The following PLA2G4A variants were observed in gnomAD, a reference collection of about 807,000 sequenced individuals.
The protein encoded by PLA2G4A is cytosolic phospholipase A2.
A neutral mutation model predicts 81.9 loss-of-function variants in PLA2G4A; 40 were observed. The ratio of observed to expected loss-of-function variants is 0.49; its 90% CI spans 0.38 to 0.64. The LOEUF (loss-of-function observed/expected upper bound fraction) is 0.64. Ranked by LOEUF, PLA2G4A falls within the 30% of genes least tolerant of loss-of-function variation. The pLI is 0.00. For missense variants in PLA2G4A, 715 were observed against 905.1 expected, an observed-to-expected ratio of 0.79 and a Z score of 2.69; for synonymous variants, 302 against 296.9, an observed-to-expected ratio of 1.02 and a Z score of -0.18.
At chr1:186,909,476 C>A (rs1375697082) in intron 6 of PLA2G4A, among the ~76,000 whole-genome samples, 1 of 150,996 alleles carries the variant, frequency 6.6e-6, no homozygotes, top group Non-Finnish European at 1.5e-5. Context: ...GGTTGACCAA[C>A]ATGGAGAAAC....
intron 15 of PLA2G4A, among the ~76,000 whole-genome samples, chr1:186,968,745 TG>T (rs1340243706): frequency 6.6e-6 from 1 of 151,916 alleles, no homozygotes; most frequent in Non-Finnish European, 1.5e-5. Flanking sequence ...TTATTTAGGT[TG>T]GTTTCTAGAT....
intron 15 of PLA2G4A, among the ~76,000 whole-genome samples, chr1:186,967,237 T>C (rs927561689): frequency 2.6e-5 from 4 of 152,206 alleles, no homozygotes; most frequent in Non-Finnish European, 5.9e-5. Flanking sequence ...AGTGCTTTCA[T>C]ACTTTATCTA....
intron 10 of PLA2G4A, among the ~76,000 whole-genome samples, chr1:186,945,049 A>G (rs563039625): frequency 6.6e-6 from 1 of 152,266 alleles, no homozygotes; most frequent in East Asian, 1.9e-4. Flanking sequence ...GAGAAAAGCT[A>G]GAAAAAAAAA....
At chr1:186,912,790 A>ACATAAG (rs1655006393) in intron 7 of PLA2G4A, among the ~76,000 whole-genome samples, 3 of 141,288 alleles carry the variant, frequency 2.1e-5, no homozygotes, top group African/African-American at 8.3e-5. Context: ...ATACTTATAT[A>ACATAAG]TATATGTATA....
At chr1:186,841,414 TA>T (rs1031220164) in intron 1 of PLA2G4A, among the ~76,000 whole-genome samples, 7 of 152,236 alleles carry the variant, frequency 4.6e-5, no homozygotes, top group Non-Finnish European at 7.3e-5. Flanking sequence ...ATTTCCTTTT[TA>T]GCCCCAGTGC....
chr1:186,899,364 G>C (rs1654457228), intron 5 of PLA2G4A, among the ~76,000 whole-genome samples: 1 of 152,112 alleles, frequency 6.6e-6, no homozygotes, highest in Non-Finnish European at 1.5e-5. Flanking sequence ...AGACAGGGCT[G>C]GGGGAGCAGG....
intron 15 of PLA2G4A, among the ~76,000 whole-genome samples, chr1:186,966,188 A>G (rs1480509889): frequency 1.3e-5 from 2 of 151,670 alleles, no homozygotes; most frequent in Non-Finnish European, 2.9e-5. Context: ...CTGTATCTGT[A>G]AGAGGATGTG....
chr1:186,964,320 G>C (rs1657057587), intron 14 of PLA2G4A, among the ~76,000 whole-genome samples: 1 of 150,788 alleles, frequency 6.6e-6, no homozygotes, highest in African/African-American at 2.5e-5. Context: ...AGTGAATTAG[G>C]AGCACCACAC....
intron 2 of PLA2G4A, among the ~76,000 whole-genome samples, chr1:186,865,350 T>C (rs1652987066): frequency 6.6e-6 from 1 of 152,100 alleles, no homozygotes; most frequent in Admixed American, 6.6e-5. Flanking sequence ...TAAAAATAGA[T>C]AATGCTGATC....
chr1:186,906,694 T>C (rs1654749106), intron 5 of PLA2G4A, among the ~76,000 whole-genome samples: 1 of 152,194 alleles, frequency 6.6e-6, no homozygotes, highest in Non-Finnish European at 1.5e-5. Flanking sequence ...TACTTTATTT[T>C]ACTGAGGGAG....
chr1:186,972,252 A>G (rs1657381222), intron 15 of PLA2G4A, among the ~76,000 whole-genome samples: 1 of 152,110 alleles, frequency 6.6e-6, no homozygotes, highest in South Asian at 2.1e-4. Flanking sequence ...TTATCTAACA[A>G]AAGCAGCTTT....
rs375965452 is a variant in PLA2G4A, at chr1:186,956,364, T to C, written c.1579+20T>C. ...TAGCAGGTAAGTGTACAAATATAAT[T>C]AGTGGGAGCTAATGCAGGAGATCTT... On this transcript the variant is annotated intron_variant, in intron 14 of 17. Coordinates refer to ENST00000367466, the MANE Select transcript of PLA2G4A (RefSeq NM_024420.3). 32 of 1,604,506 alleles carry C rather than the reference T, an allele frequency of 2.0e-5. No individual in the cohort carries two copies. In the African/African-American group the frequency reaches 2.0e-4, roughly 10 times the overall value.
intron 14 of PLA2G4A, among the ~76,000 whole-genome samples, chr1:186,959,460 A>T (rs1656872313): frequency 6.6e-6 from 1 of 152,146 alleles, no homozygotes; most frequent in African/African-American, 2.4e-5. Context: ...TTTACATTTT[A>T]TTTCATTGTG....
chr1:186,875,097 C>T (rs1450064039), intron 3 of PLA2G4A, among the ~76,000 whole-genome samples: 1 of 152,030 alleles, frequency 6.6e-6, no homozygotes, highest in Non-Finnish European at 1.5e-5. Flanking sequence ...TTCTAACATA[C>T]AGCTGATGTA....
chr1:186,962,467 A>G (rs1435024966), intron 14 of PLA2G4A, among the ~76,000 whole-genome samples: 1 of 146,708 alleles, frequency 6.8e-6, no homozygotes, highest in African/African-American at 2.7e-5. Context: ...GATAAACTCT[A>G]TACTTTGTAG....
At chr1:186,856,718 A>C (rs988638196) in intron 2 of PLA2G4A, among the ~76,000 whole-genome samples, 7 of 152,004 alleles carry the variant, frequency 4.6e-5, no homozygotes, top group Admixed American at 4.6e-4. Context: ...GAGACAATGA[A>C]GATCACTCTG....
chr1:186,883,567 G>T (rs906445592), intron 3 of PLA2G4A, among the ~76,000 whole-genome samples: 1 of 152,070 alleles, frequency 6.6e-6, no homozygotes, highest in Non-Finnish European at 1.5e-5. Context: ...CAAAGGCCTC[G>T]CTTCCTTTTG....
At chr1:186,960,265 A>G (rs1250022779) in intron 14 of PLA2G4A, among the ~76,000 whole-genome samples, 1 of 152,192 alleles carries the variant, frequency 6.6e-6, no homozygotes, top group African/African-American at 2.4e-5. Flanking sequence ...AAATAAAGAC[A>G]TGAGTTAATT....
At chr1:186,934,445 T>TACACACACAC (rs1655862013) in intron 8 of PLA2G4A, among the ~76,000 whole-genome samples, 1 of 79,824 alleles carries the variant, frequency 1.3e-5, no homozygotes. Flanking sequence ...AATGTGCACA[T>TACACACACAC]ATATATATAT....
Sources: gnomAD v4.1 joint callset for allele counts (sites outside exome capture counted in the v4.1 genomes callset) on GRCh38, gnomAD v4.1.1 for gene constraint, MANE v1.5 for transcripts, NCBI Gene and HGNC (gene_info 2026-07-23, HGNC 2026-07-21) for gene names.